Variants in RAD51B observed in about 807,000 individuals in gnomAD.
The protein encoded by RAD51B is DNA repair protein RAD51 homolog 2.
Under a neutral mutation model 42.2 loss-of-function variants are expected in RAD51B, and 38 were observed. The observed-to-expected ratio is 0.90, with a 90% CI of 0.70 to 1.18. The LOEUF (loss-of-function observed/expected upper bound fraction) is 1.18. Among genes scored for constraint, RAD51B ranks in the 50% most tolerant of loss-of-function variants. The pLI is 0.00. For missense variants in RAD51B, 373 were observed against 400.7 expected (o/e 0.93, Z 0.59); for synonymous variants, 154 against 145.2 (o/e 1.06, Z -0.43).
intron 11 of RAD51B, among the ~76,000 whole-genome samples, chr14:68,657,389 C>T (rs2140143100): frequency 1.3e-5 from 2 of 152,328 alleles, no homozygotes; most frequent in African/African-American, 4.8e-5. Context: ...CTATATTGCC[C>T]AGACTGGTCT....
intron 10 of RAD51B, among the ~76,000 whole-genome samples, chr14:68,638,260 C>T (rs1057040821): frequency 2.0e-4 from 30 of 152,268 alleles, no homozygotes; most frequent in African/African-American, 7.2e-4. Context: ...GAATGAGCTT[C>T]TTATTAGGAG....
At chr14:68,162,515 G>C (rs1300834996) in intron 7 of RAD51B, among the ~76,000 whole-genome samples, 1 of 152,226 alleles carries the variant, frequency 6.6e-6, no homozygotes, top group African/African-American at 2.4e-5. Flanking sequence ...GCCGGGCGTA[G>C]TGGCTCACGC....
intron 9 of RAD51B, among the ~76,000 whole-genome samples, chr14:68,454,368 C>T (rs2085630561): frequency 6.6e-6 from 1 of 152,144 alleles, no homozygotes; most frequent in Non-Finnish European, 1.5e-5. Flanking sequence ...AAAAAAACTT[C>T]TTCAGAATTC....
At chr14:68,569,416 T>A (rs1341495744) in intron 10 of RAD51B, among the ~76,000 whole-genome samples, 1 of 152,242 alleles carries the variant, frequency 6.6e-6, no homozygotes, top group African/African-American at 2.4e-5. Context: ...GCTCGTTTTG[T>A]GTTTCAGTAA....
chr14:68,284,851 G>A (rs1303473593), intron 7 of RAD51B, among the ~76,000 whole-genome samples: 2 of 151,854 alleles, frequency 1.3e-5, no homozygotes, highest in South Asian at 2.1e-4. Flanking sequence ...TTTTTGTGAC[G>A]CTCAAACTCC....
chr14:67,831,068 T>C (rs1315575207), intron 3 of RAD51B, among the ~76,000 whole-genome samples: 1 of 146,708 alleles, frequency 6.8e-6, no homozygotes, highest in African/African-American at 2.5e-5. Context: ...GTAGAGACGG[T>C]TTCAGCATGT....
At chr14:68,043,827 CA>C (rs1253206873) in intron 7 of RAD51B, among the ~76,000 whole-genome samples, 1 of 152,138 alleles carries the variant, frequency 6.6e-6, no homozygotes, top group Non-Finnish European at 1.5e-5. Flanking sequence ...GTTTGAAAGC[CA>C]AATTGCCAAA....
chr14:68,388,233 G>T (rs1234989350), intron 8 of RAD51B, among the ~76,000 whole-genome samples: 1 of 151,766 alleles, frequency 6.6e-6, no homozygotes, highest in Non-Finnish European at 1.5e-5. Flanking sequence ...AGGTGAGCTT[G>T]CAGGCGTGCA....
At chr14:67,847,071 G>A (rs1198934065) in intron 4 of RAD51B, among the ~76,000 whole-genome samples, 1 of 152,122 alleles carries the variant, frequency 6.6e-6, no homozygotes, top group African/African-American at 2.4e-5. Flanking sequence ...AGGGCCAGAA[G>A]TAAGTCTTGG....
chr14:68,590,159 G>A (rs538695395), intron 10 of RAD51B, among the ~76,000 whole-genome samples: 40 of 152,274 alleles, frequency 2.6e-4, no homozygotes, highest in Middle Eastern at 3.4e-3. Flanking sequence ...TGCTGGCCTC[G>A]GCCTCCAGCA....
At chr14:68,329,710 G>A (rs1043161611) in intron 8 of RAD51B, among the ~76,000 whole-genome samples, 1 of 152,058 alleles carries the variant, frequency 6.6e-6, no homozygotes, top group Non-Finnish European at 1.5e-5. Flanking sequence ...GGCCGGGCCC[G>A]GTGGCTCACG....
At chr14:68,568,923 C>CCT (rs1489869254) in intron 10 of RAD51B, among the ~76,000 whole-genome samples, 5 of 152,146 alleles carry the variant, frequency 3.3e-5, no homozygotes, top group African/African-American at 1.2e-4. Context: ...TGCATGGCTT[C>CCT]CTCTCCCCAA....
intron 9 of RAD51B, among the ~76,000 whole-genome samples, chr14:68,412,149 T>C (rs116702661): frequency 1.2e-3 from 180 of 152,342 alleles, no homozygotes; most frequent in African/African-American, 4.2e-3. Context: ...GTCTTCTGTC[T>C]TCATTCTTCA....
intron 7 of RAD51B, among the ~76,000 whole-genome samples, chr14:68,036,073 C>A (rs1237884087): frequency 6.6e-6 from 1 of 152,184 alleles, no homozygotes. Context: ...ATCTTGACCA[C>A]CACTGGTCTT....
intron 7 of RAD51B, among the ~76,000 whole-genome samples, chr14:68,274,234 G>T (rs895216018): frequency 2.0e-5 from 3 of 151,876 alleles, no homozygotes; most frequent in African/African-American, 7.3e-5. Flanking sequence ...CTTTTTTCCG[G>T]TATGATTATA....
Position 68,376,905 on chromosome 14 carries a change from C to T in RAD51B, c.854-34519C>T, listed in dbSNP as rs550480761. On this transcript the variant is annotated intron_variant, in intron 8 of 10. Transcript: ENST00000471583. Reference sequence around the variant, plus strand: ...ACATAACTGAAGGGTCATAATGCTTCAGTCGTTATGTGGGAATATTCATAA... The same window carrying T: ...ACATAACTGAAGGGTCATAATGCTTTAGTCGTTATGTGGGAATATTCATAA... 2.6e-5 allele frequency among the ~76,000 whole-genome samples: 4 copies of T among 152,292 alleles called. No individual in the cohort carries two copies. The South Asian group carries it at 8.3e-4, about 32-fold the overall frequency.
chr14:68,573,921 C>T (rs986276700), intron 10 of RAD51B, among the ~76,000 whole-genome samples: 2 of 152,040 alleles, frequency 1.3e-5, no homozygotes, highest in South Asian at 4.1e-4. Flanking sequence ...TGAGCTTGAG[C>T]TTTTGTTCTC....
intron 7 of RAD51B, among the ~76,000 whole-genome samples, chr14:68,282,897 G>A (rs1044441870): frequency 2.6e-5 from 4 of 152,170 alleles, no homozygotes; most frequent in South Asian, 2.1e-4. Flanking sequence ...GAGGCTGGGG[G>A]GGACCCGAGA....
intron 7 of RAD51B, among the ~76,000 whole-genome samples, chr14:68,148,346 A>G (rs1480702472): frequency 2.0e-5 from 3 of 152,240 alleles, no homozygotes; most frequent in Non-Finnish European, 2.9e-5. Flanking sequence ...GCAAATACCT[A>G]GGAGTGGAAT....
Sources: gnomAD v4.1 joint callset for allele counts (sites outside exome capture counted in the v4.1 genomes callset) on GRCh38, gnomAD v4.1.1 for gene constraint, MANE v1.5 for transcripts, NCBI Gene and HGNC (gene_info 2026-07-23, HGNC 2026-07-21) for gene names.